The following IL1RL1 variants were observed in gnomAD, a reference collection of about 807,000 sequenced individuals.
IL1RL1 encodes the protein interleukin 1 receptor like 1.
IL1RL1 carries 32 observed loss-of-function variants against 50.9 expected under a neutral mutation model. That is an observed-to-expected ratio of 0.63 (90% CI 0.47 to 0.84). IL1RL1 has a LOEUF of 0.84. Among genes scored for constraint, IL1RL1 ranks in the 40% least tolerant of loss-of-function variants. The pLI is 0.00. For missense variants in IL1RL1, 773 were observed against 662.9 expected (o/e 1.17, Z -1.82); for synonymous variants, 275 against 236.0 (o/e 1.17, Z -1.51).
At chr2:102,313,403 T>A (rs1274053824) in intron 1 of IL1RL1, 1 of 152,166 alleles carries the variant, frequency 6.6e-6, no homozygotes, top group Non-Finnish European at 1.5e-5. Context: ...CAGCAGGATC[T>A]GGGATTCTCT....
chr2:102,340,858 A>G (rs564542178), intron 5 of IL1RL1, 30 bp downstream of exon 5: 7 of 1,516,962 alleles, frequency 4.6e-6, no homozygotes, highest in Admixed American at 2.5e-5. Context: ...GAGATAGAAT[A>G]CTACGTGAAA....
chr2:102,312,002 T>TAATATAATA, intron 1 of IL1RL1, among the ~76,000 whole-genome samples: 1 of 28,546 alleles, frequency 3.5e-5, no homozygotes, highest in Admixed American at 5.6e-4. Context: ...ATATAATATA[T>TAATATAATA]TTATATATAT....
chr2:102,339,100 G>C (rs1174061627), intron 3 of IL1RL1, 53 bp downstream of exon 3: 2 of 1,306,900 alleles, frequency 1.5e-6, no homozygotes, highest in Non-Finnish European at 2.2e-6. Context: ...TTTCTTCAGT[G>C]GTTGATTGCC....
At chr2:102,344,898 G>A (rs924397804) in intron 8 of IL1RL1, 1 of 971,116 alleles carries the variant, frequency 1.0e-6, no homozygotes, top group Non-Finnish European at 1.2e-6. Context: ...AATCTAGCAG[G>A]ATTTTAATGA....
chr2:102,343,199 C>G, intron 7 of IL1RL1, 22 bp downstream of exon 7: 1 of 1,613,564 alleles, frequency 6.2e-7, no homozygotes, highest in Non-Finnish European at 8.5e-7. Flanking sequence ...TTGAAGAGAA[C>G]CATCCTCTTC....
chr2:102,332,279 G>T (rs1247740707), intron 1 of IL1RL1, among the ~76,000 whole-genome samples: 1 of 152,112 alleles, frequency 6.6e-6, no homozygotes, highest in Non-Finnish European at 1.5e-5. Context: ...ATTGGAGCAG[G>T]TTAAGGAGAT....
intron 1 of IL1RL1, among the ~76,000 whole-genome samples, chr2:102,318,505 G>T (rs1676743908): frequency 6.6e-6 from 1 of 152,196 alleles, no homozygotes; most frequent in Non-Finnish European, 1.5e-5. Flanking sequence ...GTGATGTCTG[G>T]AATATAGACA....
chr2:102,316,261 G>A (rs1202694821), intron 1 of IL1RL1, among the ~76,000 whole-genome samples: 1 of 152,186 alleles, frequency 6.6e-6, no homozygotes, highest in Non-Finnish European at 1.5e-5. Context: ...GCTAAGACTT[G>A]TCTGTCCCTG....
intron 1 of IL1RL1, chr2:102,313,029 T>C (rs1676564363): frequency 6.6e-6 from 1 of 152,074 alleles, no homozygotes; most frequent in African/African-American, 2.4e-5. Context: ...TCATCTAATT[T>C]TGGCTATTCC....
chr2:102,330,726 G>A (rs1677154086), intron 1 of IL1RL1, among the ~76,000 whole-genome samples: 1 of 152,150 alleles, frequency 6.6e-6, no homozygotes, highest in African/African-American at 2.4e-5. Flanking sequence ...TGCAAATTAT[G>A]AGTATTTTGT....
At chr2:102,318,124 GA>G (rs1354512833) in intron 1 of IL1RL1, among the ~76,000 whole-genome samples, 1 of 152,140 alleles carries the variant, frequency 6.6e-6, no homozygotes, top group Admixed American at 6.5e-5. Context: ...GAGGTTTGAA[GA>G]GAGGAGTAAT....
At chr2:102,322,730 T>C (rs1195573799) in intron 1 of IL1RL1, among the ~76,000 whole-genome samples, 3 of 152,232 alleles carry the variant, frequency 2.0e-5, no homozygotes, top group Non-Finnish European at 4.4e-5. Flanking sequence ...ATATCCCCCA[T>C]GTATCATCAT....
At chr2:102,334,216 C>T (rs1328015234) in intron 1 of IL1RL1, among the ~76,000 whole-genome samples, 3 of 152,142 alleles carry the variant, frequency 2.0e-5, no homozygotes, top group African/African-American at 7.2e-5. Flanking sequence ...TATAAGCATT[C>T]CCTTTTCTCC....
chr2:102,347,718 GTC>G (rs1168021381), intron 8 of IL1RL1, among the ~76,000 whole-genome samples: 3 of 152,114 alleles, frequency 2.0e-5, no homozygotes, highest in Non-Finnish European at 4.4e-5. Flanking sequence ...GTTGACAAGT[GTC>G]TCTCTGCCTC....
chr2:102,346,508 T>TCCTC (rs556038627), intron 8 of IL1RL1, among the ~76,000 whole-genome samples: 322 of 152,346 alleles, frequency 2.1e-3, no homozygotes, highest in African/African-American at 7.1e-3. Flanking sequence ...TCTGATGTCT[T>TCCTC]GGATCAACTT....
At chr2:102,318,603 TC>T (rs1334959105) in intron 1 of IL1RL1, among the ~76,000 whole-genome samples, 2 of 152,094 alleles carry the variant, frequency 1.3e-5, no homozygotes, top group African/African-American at 4.8e-5. Context: ...AAGAGTGTAA[TC>T]AGTATAGAGA....
At chr2:102,345,853 C>G (rs1242952771) in intron 8 of IL1RL1, 2 of 985,202 alleles carry the variant, frequency 2.0e-6, no homozygotes, top group Non-Finnish European at 2.4e-6. Flanking sequence ...GGTGGTGGGC[C>G]CAGTAGACCC....
chr2:102,343,647 G>A, intron 8 of IL1RL1: 1 of 1,418,968 alleles, frequency 7.0e-7, no homozygotes, highest in Non-Finnish European at 9.2e-7. Context: ...TCCTATCGTT[G>A]GTTTGTCTAG....
chr2:102,319,696 C>CT lies in IL1RL1; in HGVS notation c.-150+8081dup, dbSNP rs200819311. 5.8e-3 allele frequency among the ~76,000 whole-genome samples: 886 copies of CT among 152,048 alleles called. 6 individuals carry two copies. The highest frequency in any genetic ancestry group is 9.4e-3 in the Non-Finnish European group (638 of 67,954). Reference sequence around the variant, plus strand: ...TCTTTTGTATCTCTCGCCCTCTTTTCTTTTTTTTGTGACACAAGATGTCAT... The same window carrying CT: ...TCTTTTGTATCTCTCGCCCTCTTTTCTTTTTTTTTGTGACACAAGATGTCAT... On this transcript the variant is annotated intron_variant, in intron 1 of 10. Coordinates refer to ENST00000233954, the MANE Select transcript of IL1RL1 (RefSeq NM_016232.5).
Sources: allele counts gnomAD v4.1 joint callset (sites outside exome capture counted in the v4.1 genomes callset), GRCh38; gene constraint gnomAD v4.1.1; transcripts MANE v1.5; gene names NCBI Gene and HGNC (gene_info 2026-07-23, HGNC 2026-07-21).